The following RPTOR variants were observed in gnomAD, a reference collection of about 807,000 sequenced individuals.
RPTOR encodes regulatory-associated protein of mTOR.
Under a neutral mutation model 169.9 loss-of-function variants are expected in RPTOR, and 21 were observed. That is an observed-to-expected ratio of 0.12 (90% CI 0.09 to 0.18). The LOEUF is 0.18. Ranked by LOEUF, RPTOR falls within the 10% of genes least tolerant of loss-of-function variation. RPTOR has a pLI of 1.00. For missense variants in RPTOR, 1,133 were observed against 1,855.9 expected, an observed-to-expected ratio of 0.61 and a Z score of 7.16; for synonymous variants, 732 against 753.2, an observed-to-expected ratio of 0.97 and a Z score of 0.46.
At chr17:80,738,625 A>G (rs535520122) in intron 5 of RPTOR, among the ~76,000 whole-genome samples, 1 of 152,312 alleles carries the variant, frequency 6.6e-6, no homozygotes, top group Non-Finnish European at 1.5e-5. Context: ...GGCTGACCAC[A>G]TACGGCAATC....
chr17:80,662,833 C>G (rs771482190), intron 3 of RPTOR, among the ~76,000 whole-genome samples: 1 of 152,100 alleles, frequency 6.6e-6, no homozygotes, highest in Non-Finnish European at 1.5e-5. Flanking sequence ...GTTTCAGTCC[C>G]TGAACCAGGA....
At chr17:80,684,760 A>G (rs1205224672) in intron 3 of RPTOR, among the ~76,000 whole-genome samples, 1 of 152,008 alleles carries the variant, frequency 6.6e-6, no homozygotes, top group East Asian at 1.9e-4. Flanking sequence ...ATTTTCTTAT[A>G]TCCTGCTCTT....
In RPTOR at chr17:80,576,869, A is replaced by G. The variant is rs142661778; in HGVS notation, c.162+31078A>G. On this transcript the variant is annotated intron_variant, in intron 1 of 33. Coordinates refer to ENST00000306801, the MANE Select transcript of RPTOR (RefSeq NM_020761.3). ...CAGGTGTGTACCACCACACCCAGCTAATTTTTGTATTTTTTGTAGAGACGG... is the reference window on the plus strand; with the variant it reads ...CAGGTGTGTACCACCACACCCAGCTGATTTTTGTATTTTTTGTAGAGACGG... Among the ~76,000 whole-genome samples, 191 of 151,896 alleles carry G rather than the reference A, an allele frequency of 1.3e-3. 1 individual carries two copies. Among genetic ancestry groups the G allele is most frequent in the African/African-American group, 3.9e-3 (163 of 41,426 alleles).
intron 33 of RPTOR, 67 bp downstream of exon 33, chr17:80,963,124 C>T: frequency 7.3e-7 from 1 of 1,373,450 alleles, no homozygotes. Flanking sequence ...GGCAAGGGGA[C>T]AAGGCAGCAG....
Position 80,957,821 on chromosome 17 carries a change from G to A in RPTOR, c.3477+91G>A. The A allele has an allele frequency of 5.8e-6, 7 of 1,198,684 alleles. No individual in the cohort carries two copies. The highest frequency in any genetic ancestry group is 8.6e-6 in the Non-Finnish European group (7 of 816,132). The allele number at this position is 1,198,684 out of a possible 1,614,324, so 74.3% of individuals were successfully genotyped here. A position where few individuals can be genotyped will look rare whatever the true frequency, so the allele number is the denominator to read the frequency against. On this transcript the variant is annotated intron_variant, in intron 29 of 33. Coordinates refer to ENST00000306801, the MANE Select transcript of RPTOR (RefSeq NM_020761.3). This position sits in a 1 kb window ranked among gnomAD's most constrained non-coding sequence, Gnocchi z 4.6. ...CACAGAACCCAGCAAAGTGTGCGGT[G>A]AGGCCTGGCCATCCCAGGGGTGGAG...
chr17:80,933,289 C>T (rs2068919661), intron 24 of RPTOR, among the ~76,000 whole-genome samples: 1 of 152,160 alleles, frequency 6.6e-6, no homozygotes, highest in Non-Finnish European at 1.5e-5. Flanking sequence ...CAGTATTGTA[C>T]CCACAAGCTC....
chr17:80,929,175 A>G (rs1225938184), intron 24 of RPTOR, among the ~76,000 whole-genome samples: 1 of 152,362 alleles, frequency 6.6e-6, no homozygotes, highest in East Asian at 1.9e-4. Flanking sequence ...AACCATTAAA[A>G]TTCTTTAAGT....
At chr17:80,902,995 G>A (rs1194756031) in intron 20 of RPTOR, among the ~76,000 whole-genome samples, 3 of 152,262 alleles carry the variant, frequency 2.0e-5, no homozygotes, top group African/African-American at 4.8e-5. Context: ...TGGCAGGAAC[G>A]CAGATCAGAG....
chr17:80,931,686 C>G (rs544567837), intron 24 of RPTOR, among the ~76,000 whole-genome samples: 7 of 152,314 alleles, frequency 4.6e-5, no homozygotes, highest in African/African-American at 1.7e-4. Context: ...TCCAGCAGGG[C>G]GAGGACCTGC....
intron 3 of RPTOR, among the ~76,000 whole-genome samples, chr17:80,652,117 C>A (rs562529170): frequency 6.6e-6 from 1 of 151,896 alleles, no homozygotes; most frequent in South Asian, 2.1e-4. Flanking sequence ...TTGTAGTAAG[C>A]CGAGATCACG....
intron 9 of RPTOR, among the ~76,000 whole-genome samples, chr17:80,833,315 G>A (rs139955944): frequency 2.6e-5 from 4 of 152,182 alleles, no homozygotes; most frequent in South Asian, 2.1e-4. Flanking sequence ...CAGCTGCTGG[G>A]GGGGAGGAGC....
rs574585745 is a variant in RPTOR at position 80,869,709 on chromosome 17, G to C, written c.1510-10706G>C. On this transcript the variant is annotated intron_variant, in intron 13 of 33. Coordinates refer to ENST00000306801, the MANE Select transcript of RPTOR (RefSeq NM_020761.3). ...TGTGTCGCTGTCACGTGTCTGGAGTGTGATCATGGCTTTGTGCTCATGGAA... is the reference window on the plus strand; with the variant it reads ...TGTGTCGCTGTCACGTGTCTGGAGTCTGATCATGGCTTTGTGCTCATGGAA... 3.9e-5 allele frequency among the ~76,000 whole-genome samples: 6 copies of C among 152,350 alleles called. No homozygotes were observed. In the East Asian group the frequency reaches 9.6e-4, roughly 24 times the overall value.
chr17:80,703,763 G>A (rs1190615394), intron 3 of RPTOR, among the ~76,000 whole-genome samples: 1 of 152,120 alleles, frequency 6.6e-6, no homozygotes, highest in Non-Finnish European at 1.5e-5. Context: ...CTGGGCTAAC[G>A]CTTTCTTGGA....
intron 2 of RPTOR, among the ~76,000 whole-genome samples, chr17:80,634,443 CAT>C (rs2065476587): frequency 9.6e-6 from 1 of 104,238 alleles, no homozygotes; most frequent in Non-Finnish European, 1.9e-5. Flanking sequence ...ATACTGTGTG[CAT>C]ACTTTGTGTG....
At chr17:80,897,154 G>T (rs1277681020) in intron 20 of RPTOR, among the ~76,000 whole-genome samples, 8 of 151,956 alleles carry the variant, frequency 5.3e-5, no homozygotes, top group African/African-American at 1.9e-4. Context: ...CCAGCTACTG[G>T]AGGAGAATCA....
intron 3 of RPTOR, among the ~76,000 whole-genome samples, chr17:80,685,627 A>ATATAGTTTTTTTTTTTTT (rs1269766086): frequency 3.3e-5 from 1 of 30,700 alleles, no homozygotes; most frequent in Non-Finnish European, 5.4e-5. Context: ...ATATATATAT[A>ATATAGTTTTTTTTTTTTT]TTTTTTTTTT....
chr17:80,597,729 G>A lies in RPTOR; in HGVS notation c.163-27962G>A, dbSNP rs568298857. On this transcript the variant is annotated intron_variant, in intron 1 of 33. Transcript: ENST00000306801. ...AGGTCTCACTATGTTGCCCAAGCTGGTCTCGAACTCCTGAGTTTAAGCCAT... is the reference window on the plus strand; with the variant it reads ...AGGTCTCACTATGTTGCCCAAGCTGATCTCGAACTCCTGAGTTTAAGCCAT... Among the ~76,000 whole-genome samples, 3 of 151,988 alleles carry A rather than the reference G, an allele frequency of 2.0e-5. No individual in the cohort carries two copies. In the South Asian group the frequency reaches 6.2e-4, roughly 32 times the overall value.
chr17:80,921,309 T>G (rs2068742056), intron 21 of RPTOR, among the ~76,000 whole-genome samples: 1 of 152,236 alleles, frequency 6.6e-6, no homozygotes, highest in Non-Finnish European at 1.5e-5. Flanking sequence ...GGCACCTTCA[T>G]GGAGCAGCTG....
chr17:80,643,025 A>G (rs911981241), intron 2 of RPTOR, among the ~76,000 whole-genome samples: 17 of 152,362 alleles, frequency 1.1e-4, no homozygotes, highest in African/African-American at 4.1e-4. Flanking sequence ...TGTTTTTAAA[A>G]TGAATGAAGA....
Sources: gnomAD v4.1 joint callset for allele counts (sites outside exome capture counted in the v4.1 genomes callset) on GRCh38, gnomAD v4.1.1 for gene constraint, Gnocchi (gnomAD v3.1) non-coding constraint, MANE v1.5 for transcripts, NCBI Gene and HGNC (gene_info 2026-07-23, HGNC 2026-07-21) for gene names.